The following EHF variants were observed in gnomAD, a reference collection of about 807,000 sequenced individuals.
EHF encodes the protein ETS homologous factor.
Under a neutral mutation model 45.1 loss-of-function variants are expected in EHF, and 14 were observed. The observed-to-expected ratio is 0.31, with a 90% CI of 0.21 to 0.49. EHF has a LOEUF of 0.49. EHF is among the 20% of genes least tolerant of loss of function. The pLI is 0.99. For missense variants in EHF, 282 were observed against 371.4 expected, an observed-to-expected ratio of 0.76 and a Z score of 1.98; for synonymous variants, 136 against 131.8, an observed-to-expected ratio of 1.03 and a Z score of -0.22.
intron 1 of EHF, among the ~76,000 whole-genome samples, chr11:34,636,771 G>A (rs745368487): frequency 2.6e-5 from 4 of 152,154 alleles, no homozygotes; most frequent in Admixed American, 6.5e-5. Flanking sequence ...GGTGGCTCAC[G>A]CCTGTAATCC....
chr11:34,641,566 T>C (rs1854000689), intron 1 of EHF, among the ~76,000 whole-genome samples: 1 of 152,124 alleles, frequency 6.6e-6, no homozygotes. Context: ...AAATTTTCCA[T>C]GAATTGCTGC....
chr11:34,632,976 G>C (rs1460485963), intron 1 of EHF, among the ~76,000 whole-genome samples: 1 of 152,184 alleles, frequency 6.6e-6, no homozygotes, highest in Non-Finnish European at 1.5e-5. Flanking sequence ...AAAGCTGAGA[G>C]ACTAATTGTC....
Position 34,659,099 on chromosome 11 carries a change from A to C in EHF, c.*168A>C. 1.8e-6 allele frequency: 1 copy of C among 562,346 alleles called. No homozygotes were observed. The highest frequency in any genetic ancestry group is 3.1e-6 in the Non-Finnish European group (1 of 327,290). 34.8% of individuals were successfully genotyped at this position (562,346 alleles called of 1,614,324 possible). ...GAAGAAACACTACGGTCGATTAAAAAAATTATTTTGTTACTTCGAAGTATG... is the reference window on the plus strand; with the variant it reads ...GAAGAAACACTACGGTCGATTAAAACAATTATTTTGTTACTTCGAAGTATG... On this transcript the variant is annotated 3_prime_UTR_variant, in exon 9 of 9. Transcript: ENST00000257831.
intron 3 of EHF, 65 bp from the exon 4 acceptor site, chr11:34,648,954 T>C (rs749029382): frequency 2.7e-6 from 4 of 1,489,304 alleles, no homozygotes; most frequent in Non-Finnish European, 3.7e-6. Flanking sequence ...GTTCTGTCCT[T>C]ATTTAAGCAT....
intron 1 of EHF, among the ~76,000 whole-genome samples, chr11:34,628,512 A>ACAGCGC (rs1260639059): frequency 6.6e-6 from 1 of 152,218 alleles, no homozygotes; most frequent in Admixed American, 6.5e-5. Flanking sequence ...TGACTTCTGA[A>ACAGCGC]CAGCGCCAGT....
rs995193537 is a variant in EHF at position 34,660,918 on chromosome 11, T to C, written c.*1987T>C. ...GTCCTAATTACAATGAGAACCATTC[T>C]AGGTAGTGATCTTGGAGCACACATG... is the stretch of plus-strand genomic sequence containing the variant. On this transcript the variant is annotated 3_prime_UTR_variant, in exon 9 of 9. Coordinates refer to ENST00000257831, the MANE Select transcript of EHF (RefSeq NM_012153.6). 1 of 152,156 alleles carries C rather than the reference T, an allele frequency of 6.6e-6. No individual in the cohort carries two copies. The highest frequency in any genetic ancestry group is 6.6e-5 in the Admixed American group (1 of 15,248). 9.4% of individuals were successfully genotyped at this position (152,156 alleles called of 1,614,324 possible).
chr11:34,662,040 C>T lies in EHF; in HGVS notation c.*3109C>T, dbSNP rs1267699762. On this transcript the variant is annotated 3_prime_UTR_variant, in exon 9 of 9. Coordinates refer to ENST00000257831, the MANE Select transcript of EHF (RefSeq NM_012153.6). Reference sequence around the variant, plus strand: ...AAGGGAGACCCAGGTTGTGAGTTTTCCTTTGAACACATTGGTCTTTTCTCA... The same window carrying T: ...AAGGGAGACCCAGGTTGTGAGTTTTTCTTTGAACACATTGGTCTTTTCTCA... Among the ~76,000 whole-genome samples, 1 of 152,042 alleles carries T rather than the reference C, an allele frequency of 6.6e-6. No homozygotes were observed. Among genetic ancestry groups the T allele is most frequent in the East Asian group, 1.9e-4 (1 of 5,194 alleles).
At chr11:34,634,186 A>G (rs955829449) in intron 1 of EHF, among the ~76,000 whole-genome samples, 1 of 137,202 alleles carries the variant, frequency 7.3e-6, no homozygotes, top group African/African-American at 2.7e-5. Flanking sequence ...TCACATGTAC[A>G]TGGATTTTTT....
Position 34,646,410 on chromosome 11 carries a change from C to T in EHF, c.98-29C>T, listed in dbSNP as rs1854539214. ...ACTATGGCCAGGAACAGCCAGGGGTCACTCATGAGGCTGCTTCCTGTTTTG... is the reference window on the plus strand; with the variant it reads ...ACTATGGCCAGGAACAGCCAGGGGTTACTCATGAGGCTGCTTCCTGTTTTG... On this transcript the variant is annotated intron_variant, in intron 2 of 8. Transcript: ENST00000257831. The T allele has an allele frequency of 6.2e-6, 10 of 1,612,426 alleles. No homozygotes were observed. The East Asian group carries it at 2.2e-4, about 36-fold the overall frequency.
chr11:34,656,762 G>A (rs1343267949), intron 6 of EHF, 146 bp from the exon 7 acceptor site: 1 of 790,948 alleles, frequency 1.3e-6, no homozygotes, highest in African/African-American at 1.7e-5. Flanking sequence ...TATCATCTCT[G>A]TTTTGTTTGG....
At chr11:34,651,058 CTG>C (rs1408366724) in intron 4 of EHF, among the ~76,000 whole-genome samples, 2 of 152,054 alleles carry the variant, frequency 1.3e-5, no homozygotes, top group African/African-American at 2.4e-5. Flanking sequence ...AAGGAAGAAA[CTG>C]TGATAAGATT....
intron 6 of EHF, among the ~76,000 whole-genome samples, chr11:34,654,836 C>T (rs1855515050): frequency 6.6e-6 from 1 of 152,148 alleles, no homozygotes; most frequent in Non-Finnish European, 1.5e-5. Context: ...ATAATTGAGG[C>T]CAATATACTG....
At chr11:34,640,452 G>C (rs1428694892) in intron 1 of EHF, among the ~76,000 whole-genome samples, 1 of 152,174 alleles carries the variant, frequency 6.6e-6, no homozygotes, top group East Asian at 1.9e-4. Flanking sequence ...GCCCTTTCAG[G>C]GTTAAACAGT....
intron 1 of EHF, among the ~76,000 whole-genome samples, chr11:34,637,312 G>A (rs1387156664): frequency 2.0e-5 from 3 of 152,138 alleles, no homozygotes; most frequent in African/African-American, 4.8e-5. Flanking sequence ...AGCCCTTGGC[G>A]AAGCAAGCCT....
chr11:34,648,099 A>T (rs979685348), intron 3 of EHF, among the ~76,000 whole-genome samples: 1 of 152,168 alleles, frequency 6.6e-6, no homozygotes, highest in Non-Finnish European at 1.5e-5. Context: ...GTCCAGGCAG[A>T]TTGCTCACTC....
chr11:34,645,980 C>A (rs1854470838), intron 2 of EHF, among the ~76,000 whole-genome samples: 1 of 150,080 alleles, frequency 6.7e-6, no homozygotes, highest in Non-Finnish European at 1.5e-5. Context: ...GAGAAAAGAA[C>A]CTTAATTTCA....
chr11:34,638,148 C>T (rs947911778), intron 1 of EHF, among the ~76,000 whole-genome samples: 5 of 152,140 alleles, frequency 3.3e-5, no homozygotes, highest in Non-Finnish European at 7.4e-5. Context: ...GTCATCCACC[C>T]GCCTCGGCCT....
chr11:34,621,798 G>C (rs1266624188), intron 1 of EHF, among the ~76,000 whole-genome samples: 1 of 152,234 alleles, frequency 6.6e-6, no homozygotes, highest in Non-Finnish European at 1.5e-5. Context: ...AAGGCAGGCA[G>C]AGGTATTGGG....
chr11:34,631,086 CAG>C (rs1177716062), intron 1 of EHF, among the ~76,000 whole-genome samples: 15 of 152,166 alleles, frequency 9.9e-5, no homozygotes, highest in Non-Finnish European at 1.3e-4. Context: ...GCTGGGTGTG[CAG>C]TGGCACAGTC....
Sources: allele counts gnomAD v4.1 joint callset (sites outside exome capture counted in the v4.1 genomes callset), GRCh38; gene constraint gnomAD v4.1.1; transcripts MANE v1.5; gene names NCBI Gene and HGNC (gene_info 2026-07-23, HGNC 2026-07-21).